The following LIG1 variants were observed in gnomAD, a reference collection of about 807,000 sequenced individuals.
The protein encoded by LIG1 is DNA ligase 1, also known as ligase I, DNA, ATP-dependent.
A neutral mutation model predicts 115.7 loss-of-function variants in LIG1; 70 were observed. The observed-to-expected ratio is 0.60, with a 90% confidence interval of 0.50 to 0.74. The LOEUF (loss-of-function observed/expected upper bound fraction) is 0.74. Ranked by LOEUF, LIG1 falls within the 30% of genes least tolerant of loss-of-function variation. LIG1 has a pLI of 0.00. For synonymous variants in LIG1, 487 were observed against 495.3 expected (o/e 0.98, Z 0.22); for missense variants, 1,115 against 1,225.6 (o/e 0.91, Z 1.35).
At chr19:48,142,753 C>A (rs1024649521) in intron 11 of LIG1, among the ~76,000 whole-genome samples, 1 of 152,072 alleles carries the variant, frequency 6.6e-6, no homozygotes, top group Non-Finnish European at 1.5e-5. Context: ...AAGTGATTCT[C>A]GTACCTCAGC....
chr19:48,161,540 C>T (rs954289898), intron 3 of LIG1, 33 bp from the exon 4 acceptor site: 4 of 1,611,288 alleles, frequency 2.5e-6, no homozygotes, highest in South Asian at 1.1e-5. Context: ...TGTAAAGGGG[C>T]GACTACAGCA....
At chr19:48,158,062 C>T (rs140425334) in intron 4 of LIG1, among the ~76,000 whole-genome samples, 1 of 152,182 alleles carries the variant, frequency 6.6e-6, no homozygotes, top group African/African-American at 2.4e-5. Flanking sequence ...ATGTGACACA[C>T]CTGCTCCTCC....
chr19:48,169,169 T>C (rs191442251), intron 1 of LIG1, among the ~76,000 whole-genome samples: 1 of 152,294 alleles, frequency 6.6e-6, no homozygotes, highest in East Asian at 1.9e-4. Flanking sequence ...AAACTAGAGA[T>C]GGTGAACACA....
At chr19:48,121,983 A>G (rs964817787) in intron 23 of LIG1, among the ~76,000 whole-genome samples, 2 of 152,202 alleles carry the variant, frequency 1.3e-5, no homozygotes, top group Non-Finnish European at 2.9e-5. Flanking sequence ...AGTGCTAACC[A>G]TGTGCCAGGC....
rs3730907 is a variant in LIG1 at position 48,150,654 on chromosome 19, T to C, written c.575-444A>G. 8.1e-3 allele frequency among the ~76,000 whole-genome samples: 1,241 copies of C among 152,290 alleles called. 13 individuals carry two copies. The highest frequency in any genetic ancestry group is 0.028 in the African/African-American group (1,175 of 41,546). On this transcript the variant is annotated intron_variant, in intron 7 of 27. Transcript: ENST00000263274. ...GGTTGTCTAACTTAATTAATAACAT[T>C]TAATTTACACCTATGACTTCTGAAA...
intron 5 of LIG1, chr19:48,154,509 C>G (rs530341161): frequency 4.8e-6 from 1 of 209,586 alleles, no homozygotes; most frequent in Admixed American, 5.2e-5. Context: ...TCCAGCTGCC[C>G]AACACATAGC....
intron 9 of LIG1, among the ~76,000 whole-genome samples, chr19:48,147,048 T>C (rs2035164189): frequency 6.6e-6 from 1 of 152,228 alleles, no homozygotes; most frequent in Non-Finnish European, 1.5e-5. Flanking sequence ...GGGTACAAAA[T>C]TGATGTCAAG....
chr19:48,119,555 T>TC (rs2033122958), intron 24 of LIG1, among the ~76,000 whole-genome samples: 2 of 124,618 alleles, frequency 1.6e-5, no homozygotes, highest in African/African-American at 2.9e-5. Flanking sequence ...TTTTTTTTTT[T>TC]TGAGACAGGG....
intron 9 of LIG1, among the ~76,000 whole-genome samples, chr19:48,146,548 C>T (rs915441425): frequency 6.6e-6 from 1 of 152,156 alleles, no homozygotes; most frequent in Non-Finnish European, 1.5e-5. Context: ...GGCATGGTGG[C>T]GCATGCCTGT....
intron 25 of LIG1, chr19:48,118,006 C>A: frequency 1.7e-6 from 1 of 588,196 alleles, no homozygotes; most frequent in Non-Finnish European, 3.0e-6. Context: ...ACAAGACCCC[C>A]TTGAAGTAAA....
intron 6 of LIG1, among the ~76,000 whole-genome samples, chr19:48,153,585 C>T (rs1426703597): frequency 6.7e-6 from 1 of 149,940 alleles, no homozygotes; most frequent in Non-Finnish European, 1.5e-5. Context: ...GGCATCAAAT[C>T]GGCAGGGTCC....
intron 14 of LIG1, 40 bp from the exon 15 acceptor site, chr19:48,136,165 C>A (rs1263321130): frequency 6.9e-7 from 1 of 1,456,280 alleles, no homozygotes; most frequent in South Asian, 1.2e-5. Context: ...CTTGTCTGCA[C>A]CTCCCCAATC....
chr19:48,155,364 C>T (rs2122930003), intron 5 of LIG1, among the ~76,000 whole-genome samples: 1 of 152,294 alleles, frequency 6.6e-6, no homozygotes, highest in South Asian at 2.1e-4. Flanking sequence ...TCTCCAGAAA[C>T]AAGGAAGTAG....
chr19:48,170,102 T>C, intron 1 of LIG1, 139 bp downstream of exon 1: 1 of 419,776 alleles, frequency 2.4e-6, no homozygotes, highest in Non-Finnish European at 4.8e-6. Flanking sequence ...CTCTTCCGTC[T>C]CCACCGCGCT....
chr19:48,159,140 C>T (rs530280994), intron 4 of LIG1, among the ~76,000 whole-genome samples: 2 of 151,664 alleles, frequency 1.3e-5, no homozygotes, highest in East Asian at 1.9e-4. Flanking sequence ...TGCAATGGCA[C>T]GATCTCGGCT....
At chr19:48,153,687 CACACCT>C (rs2035625551) in intron 6 of LIG1, among the ~76,000 whole-genome samples, 179 bp downstream of exon 6, 1 of 129,978 alleles carries the variant, frequency 7.7e-6, no homozygotes, top group African/African-American at 3.2e-5. Context: ...CACACACACA[CACACCT>C]CTCCTTCTGG....
At chr19:48,127,642 T>C in intron 20 of LIG1, 1 of 610,206 alleles carries the variant, frequency 1.6e-6, no homozygotes, top group Non-Finnish European at 2.9e-6. Context: ...ACCTGTGGGG[T>C]GCAGGTTGTG....
intron 17 of LIG1, chr19:48,133,373 T>G (rs2034168854): frequency 2.1e-6 from 1 of 469,280 alleles, no homozygotes; most frequent in African/African-American, 2.0e-5. Context: ...CTCCCCTCCC[T>G]CCTCTGCGTC....
chr19:48,116,086 A>G (rs763906304), intron 26 of LIG1, 121 bp from the exon 27 acceptor site: 17 of 752,668 alleles, frequency 2.3e-5, no homozygotes, highest in African/African-American at 2.1e-4. Flanking sequence ...ATGGGTTGTC[A>G]TAAGGATTAA....
Sources: gnomAD v4.1 joint callset for allele counts (sites outside exome capture counted in the v4.1 genomes callset) on GRCh38, gnomAD v4.1.1 for gene constraint, MANE v1.5 for transcripts, NCBI Gene and HGNC (gene_info 2026-07-23, HGNC 2026-07-21) for gene names.